The following SFMBT2 variants were observed in gnomAD, a reference collection of about 807,000 sequenced individuals.
The protein encoded by SFMBT2 is Scm like with four mbt domains 2.
Under a neutral mutation model 110.1 loss-of-function variants are expected in SFMBT2, and 38 were observed. The ratio of observed to expected loss-of-function variants is 0.35; its 90% CI spans 0.27 to 0.45. The LOEUF (loss-of-function observed/expected upper bound fraction) is 0.45. Ranked by LOEUF, SFMBT2 falls within the 20% of genes least tolerant of loss-of-function variation. SFMBT2 has a pLI of 1.00. For synonymous variants in SFMBT2, 425 were observed against 425.4 expected, an observed-to-expected ratio of 1.00 and a Z score of 0.01; for missense variants, 1,011 against 1,094.9, an observed-to-expected ratio of 0.92 and a Z score of 1.08.
chr10:7,202,233 A>T, intron 13 of SFMBT2: 1 of 247,418 alleles, frequency 4.0e-6, no homozygotes, highest in South Asian at 1.5e-4. Flanking sequence ...GACACTCCCC[A>T]GGTATGTCGA....
chr10:7,302,230 T>C (rs540602628), intron 4 of SFMBT2, among the ~76,000 whole-genome samples: 1 of 152,306 alleles, frequency 6.6e-6, no homozygotes, highest in Admixed American at 6.5e-5. Context: ...AACCAGATAG[T>C]TACTTGTTTG....
At chr10:7,258,975 T>A (rs1841117614) in intron 7 of SFMBT2, among the ~76,000 whole-genome samples, 1 of 152,238 alleles carries the variant, frequency 6.6e-6, no homozygotes, top group Non-Finnish European at 1.5e-5. Flanking sequence ...CTAGTAGCTG[T>A]GCATTCAATC....
At position 7,298,861 on chromosome 10, in the gene SFMBT2, C is replaced by A. The variant is rs565160978; in HGVS notation, c.437-12907G>T. ...GGATTCATCAAATTCTCAAAGAGCA[C>A]CATGACCCTGAAAGGATTACGAACA... On this transcript the variant is annotated intron_variant, in intron 4 of 20. Transcript: ENST00000397167. Among the ~76,000 whole-genome samples, 5 of 152,154 alleles carry A rather than the reference C, an allele frequency of 3.3e-5. No individual in the cohort carries two copies. In the South Asian group the frequency reaches 1.0e-3, roughly 32 times the overall value.
chr10:7,325,321 T>G (rs1357934809), intron 4 of SFMBT2, among the ~76,000 whole-genome samples: 1 of 152,124 alleles, frequency 6.6e-6, no homozygotes, highest in South Asian at 2.1e-4. Context: ...ACATAGGAAT[T>G]TGGGGAGTTC....
rs572678790 is a variant in SFMBT2 at position 7,200,180 on chromosome 10, A to G, written c.1558+234T>C. 3.3e-4 allele frequency among the ~76,000 whole-genome samples: 50 copies of G among 152,344 alleles called. 1 individual carries two copies. In the South Asian group the frequency reaches 0.01, roughly 31 times the overall value. ...AGTCACACATAAACCCTTTTTCTAT[A>G]GACTAGAACTATCTAGAGCTACTGG... On this transcript the variant is annotated intron_variant, in intron 14 of 20. Transcript: ENST00000397167.
intron 2 of SFMBT2, among the ~76,000 whole-genome samples, chr10:7,376,940 G>A (rs1296418607): frequency 6.6e-6 from 1 of 150,918 alleles, no homozygotes; most frequent in Non-Finnish European, 1.5e-5. Context: ...GGAGGCCGAG[G>A]CGGGCAAATC....
chr10:7,355,475 A>G (rs1173931204), intron 4 of SFMBT2, among the ~76,000 whole-genome samples: 1 of 152,198 alleles, frequency 6.6e-6, no homozygotes, highest in African/African-American at 2.4e-5. Context: ...CCAGATTCCC[A>G]TATGTGAGAA....
chr10:7,356,697 T>C (rs545710625), intron 4 of SFMBT2, among the ~76,000 whole-genome samples: 17 of 152,290 alleles, frequency 1.1e-4, no homozygotes, highest in Admixed American at 1.0e-3. Context: ...ACATTACAGG[T>C]GTGAGCCACG....
intron 1 of SFMBT2, among the ~76,000 whole-genome samples, chr10:7,394,095 G>A (rs551206212): frequency 1.2e-4 from 19 of 152,086 alleles, no homozygotes; most frequent in Non-Finnish European, 2.6e-4. Flanking sequence ...CGCCTCCCGG[G>A]TTCAAGAGAT....
chr10:7,394,967 T>C (rs1845882272), intron 1 of SFMBT2, among the ~76,000 whole-genome samples: 2 of 152,156 alleles, frequency 1.3e-5, no homozygotes, highest in Admixed American at 6.5e-5. Flanking sequence ...GTGGAAACTC[T>C]GGATGGGTGG....
intron 4 of SFMBT2, among the ~76,000 whole-genome samples, chr10:7,304,356 T>C (rs961420692): frequency 6.6e-6 from 1 of 152,178 alleles, no homozygotes; most frequent in African/African-American, 2.4e-5. Flanking sequence ...TCCGCCATGA[T>C]TGTGAGGCCT....
chr10:7,179,533 TA>T (rs1404651488), intron 16 of SFMBT2, among the ~76,000 whole-genome samples: 2 of 152,188 alleles, frequency 1.3e-5, no homozygotes, highest in African/African-American at 4.8e-5. Flanking sequence ...CTTGCAGTTT[TA>T]TCCACTACGA....
At chr10:7,325,718 A>G (rs911372252) in intron 4 of SFMBT2, among the ~76,000 whole-genome samples, 3 of 152,206 alleles carry the variant, frequency 2.0e-5, no homozygotes, top group African/African-American at 7.2e-5. Context: ...TCTACTTAAC[A>G]ATAAATAAGT....
intron 4 of SFMBT2, among the ~76,000 whole-genome samples, chr10:7,297,148 A>C (rs1235725846): frequency 6.6e-6 from 1 of 152,072 alleles, no homozygotes; most frequent in Non-Finnish European, 1.5e-5. Context: ...GAATAAAAAC[A>C]CTCCTAGAAA....
intron 9 of SFMBT2, among the ~76,000 whole-genome samples, chr10:7,229,351 C>T (rs181274454): frequency 2.6e-5 from 4 of 151,960 alleles, no homozygotes; most frequent in Non-Finnish European, 5.9e-5. Context: ...GAGGCCGAGG[C>T]GGGTGGATCA....
intron 4 of SFMBT2, among the ~76,000 whole-genome samples, chr10:7,326,098 T>C (rs1843375947): frequency 6.6e-6 from 1 of 152,234 alleles, no homozygotes; most frequent in Non-Finnish European, 1.5e-5. Context: ...AACAGGGATA[T>C]TGTAGTCCCT....
At chr10:7,167,290 G>T (rs10905114) in intron 20 of SFMBT2, among the ~76,000 whole-genome samples, 57,918 of 152,122 alleles carry the variant, frequency 0.38, 12,751 homozygotes, top group Non-Finnish European at 0.49. Flanking sequence ...TTAGAGTGTT[G>T]TATGTGCTTA....
At chr10:7,232,523 G>A (rs957210379) in intron 9 of SFMBT2, among the ~76,000 whole-genome samples, 3 of 152,130 alleles carry the variant, frequency 2.0e-5, no homozygotes, top group Non-Finnish European at 4.4e-5. Context: ...GGCATGAAAC[G>A]GCACGTAGTT....
chr10:7,388,565 G>A (rs1006168117), intron 1 of SFMBT2, among the ~76,000 whole-genome samples: 1 of 138,494 alleles, frequency 7.2e-6, no homozygotes, highest in South Asian at 2.3e-4. Context: ...TAGTAGAGAC[G>A]GAATTTCACC....
Sources: allele counts gnomAD v4.1 joint callset (sites outside exome capture counted in the v4.1 genomes callset), GRCh38; gene constraint gnomAD v4.1.1; transcripts MANE v1.5; gene names NCBI Gene and HGNC (gene_info 2026-07-23, HGNC 2026-07-21).